Variants in LYPD6B observed in about 807,000 individuals in gnomAD.
The protein encoded by LYPD6B is ly6/PLAUR domain-containing protein 6B.
LYPD6B carries 17 observed loss-of-function variants against 22.8 expected under a neutral mutation model. The ratio of observed to expected loss-of-function variants is 0.75; its 90% CI spans 0.51 to 1.12. The LOEUF is 1.12. Ranked by LOEUF, LYPD6B falls within the 50% of genes most tolerant of loss-of-function variation. The pLI is 0.00. For synonymous variants in LYPD6B, 106 were observed against 91.6 expected (o/e 1.16, Z -0.90); for missense variants, 221 against 258.3 (o/e 0.86, Z 0.99).
At chr2:149,127,150 T>C (rs1442657079) in intron 1 of LYPD6B, among the ~76,000 whole-genome samples, 1 of 151,758 alleles carries the variant, frequency 6.6e-6, no homozygotes, top group Non-Finnish European at 1.5e-5. Context: ...ATATGAAATA[T>C]TTTATATATA....
At chr2:149,174,163 T>A (rs930277474) in intron 3 of LYPD6B, among the ~76,000 whole-genome samples, 4 of 152,196 alleles carry the variant, frequency 2.6e-5, no homozygotes, top group African/African-American at 9.6e-5. Context: ...CAATCGTGAA[T>A]GGGAGTTCAT....
intron 1 of LYPD6B, among the ~76,000 whole-genome samples, chr2:149,042,619 G>A (rs1201594749): frequency 6.6e-6 from 1 of 152,222 alleles, no homozygotes; most frequent in African/African-American, 2.4e-5. Context: ...TCTACTGTGT[G>A]CCAGACACTG....
At chr2:149,046,963 C>G (rs913938164) in intron 1 of LYPD6B, among the ~76,000 whole-genome samples, 1 of 152,108 alleles carries the variant, frequency 6.6e-6, no homozygotes, top group African/African-American at 2.4e-5. Flanking sequence ...TATTCTTAAA[C>G]AATTCTTTAC....
chr2:149,093,239 G>A (rs1685747696), intron 1 of LYPD6B, among the ~76,000 whole-genome samples: 1 of 151,910 alleles, frequency 6.6e-6, no homozygotes, highest in Non-Finnish European at 1.5e-5. Flanking sequence ...AAAGGAGTGG[G>A]GATGTGTCGC....
Position 149,040,152 on chromosome 2 carries a change from AGAGG to A in LYPD6B, c.-67+1355_-67+1358del, listed in dbSNP as rs567994736. 2.3e-4 allele frequency among the ~76,000 whole-genome samples: 35 copies of A among 152,212 alleles called. No individual in the cohort carries two copies. In the South Asian group the frequency reaches 7.1e-3, roughly 31 times the overall value. On this transcript the variant is annotated intron_variant, in intron 1 of 6. Transcript: ENST00000409642. ...CCTTCAGAGAGAGAGACAGAGACAA[AGAGG>A]GAGAGAGAGAATCCCATCTTCTCTA...
chr2:149,167,586 A>T (rs1037093874), intron 3 of LYPD6B, among the ~76,000 whole-genome samples: 1 of 152,142 alleles, frequency 6.6e-6, no homozygotes, highest in African/African-American at 2.4e-5. Flanking sequence ...GTGGGGGAGC[A>T]GGCTCAGAAA....
chr2:149,156,154 G>A (rs1406324863), intron 2 of LYPD6B, among the ~76,000 whole-genome samples: 1 of 152,180 alleles, frequency 6.6e-6, no homozygotes, highest in Non-Finnish European at 1.5e-5. Context: ...TCAGCACAGA[G>A]CATTTGAGAA....
intron 1 of LYPD6B, among the ~76,000 whole-genome samples, chr2:149,056,764 C>T (rs1013213758): frequency 2.6e-5 from 4 of 152,044 alleles, no homozygotes; most frequent in Non-Finnish European, 4.4e-5. Context: ...ACCAGCCATG[C>T]GTTCATCTTC....
chr2:149,152,647 T>A (rs1035542665), intron 2 of LYPD6B, among the ~76,000 whole-genome samples: 1 of 152,222 alleles, frequency 6.6e-6, no homozygotes, highest in Non-Finnish European at 1.5e-5. Flanking sequence ...TCCTTTATTT[T>A]ATCCTCTCTT....
At chr2:149,091,211 G>A (rs1199732636) in intron 1 of LYPD6B, among the ~76,000 whole-genome samples, 2 of 151,922 alleles carry the variant, frequency 1.3e-5, no homozygotes, top group Non-Finnish European at 1.5e-5. Context: ...TGCTGCCTCT[G>A]TGAAATCGGG....
At chr2:149,192,385 G>C (rs997440871) in intron 3 of LYPD6B, among the ~76,000 whole-genome samples, 3 of 151,114 alleles carry the variant, frequency 2.0e-5, no homozygotes, top group Admixed American at 6.6e-5. Flanking sequence ...ACTTATTGTA[G>C]GAAAGACATC....
At chr2:149,195,483 A>G (rs1002675910) in intron 3 of LYPD6B, among the ~76,000 whole-genome samples, 2 of 152,206 alleles carry the variant, frequency 1.3e-5, no homozygotes, top group African/African-American at 4.8e-5. Flanking sequence ...GTATAGGCAA[A>G]TCATATAGAT....
intron 1 of LYPD6B, among the ~76,000 whole-genome samples, chr2:149,089,964 C>T (rs1449881167): frequency 6.6e-6 from 1 of 152,166 alleles, no homozygotes; most frequent in Non-Finnish European, 1.5e-5. Flanking sequence ...CCTCTGTGCT[C>T]AGATCTTACC....
At chr2:149,143,177 C>T (rs1428908379) in intron 2 of LYPD6B, among the ~76,000 whole-genome samples, 1 of 152,192 alleles carries the variant, frequency 6.6e-6, no homozygotes, top group Admixed American at 6.5e-5. Flanking sequence ...ATGCACTACA[C>T]TTTCAAAAAT....
At chr2:149,140,164 A>G (rs1417999469) in intron 2 of LYPD6B, among the ~76,000 whole-genome samples, 2 of 152,162 alleles carry the variant, frequency 1.3e-5, no homozygotes, top group African/African-American at 4.8e-5. Flanking sequence ...AGATTGTTCT[A>G]TATTTCCTGG....
intron 1 of LYPD6B, among the ~76,000 whole-genome samples, chr2:149,064,296 G>T (rs16826436): frequency 0.023 from 3,548 of 152,248 alleles, 143 homozygotes; most frequent in African/African-American, 0.082. Flanking sequence ...TAGAGTTATG[G>T]TTATGGACAC....
intron 1 of LYPD6B, among the ~76,000 whole-genome samples, chr2:149,078,238 C>A (rs890472242): frequency 6.6e-6 from 1 of 152,190 alleles, no homozygotes; most frequent in Non-Finnish European, 1.5e-5. Flanking sequence ...GAGAAGGCAC[C>A]ATGACCTCTG....
At chr2:149,150,921 T>A (rs1689327064) in intron 2 of LYPD6B, among the ~76,000 whole-genome samples, 1 of 152,214 alleles carries the variant, frequency 6.6e-6, no homozygotes, top group South Asian at 2.1e-4. Flanking sequence ...TTAAATTTTC[T>A]AATAACTTCT....
intron 1 of LYPD6B, among the ~76,000 whole-genome samples, chr2:149,126,150 C>T (rs1559015211): frequency 6.6e-6 from 1 of 152,196 alleles, no homozygotes; most frequent in East Asian, 1.9e-4. Context: ...GAGAAATTAG[C>T]TGTCAGTCTA....
Sources: gnomAD v4.1 joint callset for allele counts (sites outside exome capture counted in the v4.1 genomes callset) on GRCh38, gnomAD v4.1.1 for gene constraint, MANE v1.5 for transcripts, NCBI Gene and HGNC (gene_info 2026-07-23, HGNC 2026-07-21) for gene names.